IFIT5: variants seen among roughly 807,000 people sequenced by gnomAD.
IFIT5 encodes interferon induced protein with tetratricopeptide repeats 5.
IFIT5 carries 2 observed loss-of-function variants against 5.0 expected under a neutral mutation model. The ratio of observed to expected loss-of-function variants is 0.40; its 90% CI spans 0.16 to 1.26. The LOEUF is 1.26. IFIT5 is among the 50% of genes most tolerant of loss of function. The pLI is 0.33. For synonymous variants in IFIT5, 206 were observed against 204.6 expected (o/e 1.01, Z -0.06); for missense variants, 524 against 563.2 (o/e 0.93, Z 0.70).
At position 89,418,223 on chromosome 10, in the gene IFIT5, A is replaced by C; in HGVS notation, c.1024A>C (p.Thr342Pro). ...AGACTCTATGTTTGCATTTGCCTACACAGACCTGGCCAACATGTACGCTGA... is the reference window on the plus strand; with the variant it reads ...AGACTCTATGTTTGCATTTGCCTACCCAGACCTGGCCAACATGTACGCTGA... ...ERDSMFAFAY[T>P]DLANMYAEGG... is the part of the protein sequence containing the mutation. Residue 342 changes from threonine to proline, a missense_variant, in exon 2 of 2, where the codon ACA (threonine) becomes CCA (proline). By Grantham distance (38) the Thr-to-Pro change is conservative. Coordinates refer to ENST00000371795, the MANE Select transcript of IFIT5 (RefSeq NM_012420.3). 6.2e-7 allele frequency: 1 copy of C among 1,614,224 alleles called. No homozygotes were observed. The highest frequency in any genetic ancestry group is 1.1e-5 in the South Asian group (1 of 91,082).
In IFIT5 at chr10:89,418,483, T is replaced by G. The variant is rs781611318; in HGVS notation, c.1284T>G (p.Leu428=). 1.2e-5 allele frequency: 19 copies of G among 1,614,086 alleles called. No homozygotes were observed. The part of the protein sequence containing the change: ...SALKKLSTKR[L]CHNALDVQSL... Reference sequence around the variant, plus strand: ...TGAAGAAATTGTCTACCAAGAGACTTTGTCACAATGCTTTAGATGTGCAGA... The same window carrying G: ...TGAAGAAATTGTCTACCAAGAGACTGTGTCACAATGCTTTAGATGTGCAGA... The change falls in exon 2 of 2, where the codon CTT becomes CTG. Residue 428 remains leucine, a synonymous_variant. Coordinates refer to ENST00000371795, the MANE Select transcript of IFIT5 (RefSeq NM_012420.3).
Position 89,419,018 on chromosome 10 carries a change from C to T in IFIT5, c.*370C>T, listed in dbSNP as rs1392066754. ...TGATACCTAGATCAGGAATACTCTT[C>T]CAGGAGTACAAAATTACATTATTGA... On this transcript the variant is annotated 3_prime_UTR_variant, in exon 2 of 2. Transcript: ENST00000371795. 1.2e-5 allele frequency: 2 copies of T among 160,760 alleles called. No homozygotes were observed. The highest frequency in any genetic ancestry group is 3.6e-4 in the East Asian group (2 of 5,592). The allele number at this position is 160,760 out of a possible 1,614,324, so 10.0% of individuals were successfully genotyped here. A position where few individuals can be genotyped will look rare whatever the true frequency, so the allele number is the denominator to read the frequency against.
Position 89,417,294 on chromosome 10 carries a change from T to C in IFIT5, c.95T>C (p.Phe32Ser). ...TTACTTAAGGAAGACATTGATCTGT[T>C]TGAGGTAGAAGATACAATTGGGCAA... ...WNLLKEDIDL[F>S]EVEDTIGQQL... Residue 32 changes from phenylalanine to serine, a missense_variant, in exon 2 of 2, where the codon TTT becomes TCT. Physicochemically the swap from Phe to Ser is radical, Grantham distance 155. Coordinates refer to ENST00000371795, the MANE Select transcript of IFIT5 (RefSeq NM_012420.3). 1.2e-6 allele frequency: 2 copies of C among 1,614,128 alleles called. No individual in the cohort carries two copies. The highest frequency in any genetic ancestry group is 1.7e-6 in the Non-Finnish European group (2 of 1,180,002).
chr10:89,420,599 T>C lies in IFIT5; in HGVS notation c.*1951T>C, dbSNP rs1431105686. On this transcript the variant is annotated 3_prime_UTR_variant, in exon 2 of 2. Coordinates refer to ENST00000371795, the MANE Select transcript of IFIT5 (RefSeq NM_012420.3). ...GAAGGGGCCTGAGATTTCTGCACTT[T>C]AAACAAGCTCCTCCTAGGTGAGGAT... is the stretch of plus-strand genomic sequence containing the variant. The C allele has an allele frequency of 6.6e-6, 1 of 152,238 alleles. No individual in the cohort carries two copies. The highest frequency in any genetic ancestry group is 6.5e-5 in the Admixed American group (1 of 15,286). The allele number at this position is 152,238 out of a possible 1,614,324, so 9.4% of individuals were successfully genotyped here.
rs778968540 is a variant in IFIT5 at position 89,417,909 on chromosome 10, A to G, written c.710A>G (p.Tyr237Cys). ...DVHAEAEGEK[Y>C]IEEILDQISS... ...CATGCAGAAGCTGAAGGGGAAAAGTATATTGAAGAAATCCTGGACCAAATA... is the reference window on the plus strand; with the variant it reads ...CATGCAGAAGCTGAAGGGGAAAAGTGTATTGAAGAAATCCTGGACCAAATA... The change falls in exon 2 of 2, where the codon TAT (tyrosine) becomes TGT (cysteine). Residue 237 changes from tyrosine (Y) to cysteine (C), a missense_variant. Transcript: ENST00000371795. 1.2e-6 allele frequency: 2 copies of G among 1,614,202 alleles called. No individual in the cohort carries two copies. The highest frequency in any genetic ancestry group is 1.7e-6 in the Non-Finnish European group (2 of 1,180,018).
rs1260332075 is a variant in IFIT5, at chr10:89,417,751, G to T, written c.552G>T (p.Val184=). 1.9e-6 allele frequency: 3 copies of T among 1,614,100 alleles called. No individual in the cohort carries two copies. Among genetic ancestry groups the T allele is most frequent in the African/African-American group, 2.7e-5 (2 of 74,942 alleles). ...TTAACATCGGCTATGCTATCACAGT[G>T]TATCGGCTGGATGATTCTGATAGAG... is the stretch of plus-strand genomic sequence containing the variant. ...PEFNIGYAIT[V]YRLDDSDREG... The change falls in exon 2 of 2, where the codon GTG becomes GTT. Residue 184 remains valine, a synonymous_variant. Transcript: ENST00000371795.
chr10:89,417,541 G>A lies in IFIT5; in HGVS notation c.342G>A (p.Gln114=). 1 of 1,614,226 alleles carries A rather than the reference G, an allele frequency of 6.2e-7. No homozygotes were observed. The highest frequency in any genetic ancestry group is 8.5e-7 in the Non-Finnish European group (1 of 1,180,026). The stretch of plus-strand genomic sequence containing the variant: ...ACATGGACCAGCTTGAAGAAGCTCA[G>A]AAGTATACAGGTAAGATAGGGAATG... ...YYHMDQLEEA[Q]KYTGKIGNVC... The change falls in exon 2 of 2, where the codon CAG becomes CAA. Residue 114 remains glutamine (Q), a synonymous_variant. Transcript: ENST00000371795.
Position 89,417,347 on chromosome 10 carries a change from A to G in IFIT5, c.148A>G (p.Arg50Gly), listed in dbSNP as rs2133653346. Reference protein sequence around the residue: ...QQLEFLTTKSRLALYNLLAYV... With the variant: ...QQLEFLTTKSGLALYNLLAYV... Reference sequence around the variant, plus strand: ...GCTTGAATTTCTTACCACAAAATCTAGACTTGCTCTTTATAACCTATTGGC... The same window carrying G: ...GCTTGAATTTCTTACCACAAAATCTGGACTTGCTCTTTATAACCTATTGGC... The change falls in exon 2 of 2, where the codon AGA becomes GGA. Residue 50 changes from arginine (R) to glycine (G), a missense_variant. By Grantham distance (125) the Arg-to-Gly change is moderately radical. Transcript: ENST00000371795. 1.9e-6 allele frequency: 3 copies of G among 1,614,224 alleles called. No individual in the cohort carries two copies. The highest frequency in any genetic ancestry group is 2.5e-6 in the Non-Finnish European group (3 of 1,180,040).
chr10:89,416,303 CAAA>C (rs869064446), intron 1 of IFIT5, among the ~76,000 whole-genome samples: 1 of 141,214 alleles, frequency 7.1e-6, no homozygotes, highest in East Asian at 2.3e-4. Flanking sequence ...ACAACAACAA[CAAA>C]AAACAGAAAA....
chr10:89,417,920 A>C lies in IFIT5; in HGVS notation c.721A>C (p.Ile241Leu). 1.2e-6 allele frequency: 2 copies of C among 1,614,172 alleles called. No individual in the cohort carries two copies. Among genetic ancestry groups the C allele is most frequent in the Non-Finnish European group, 1.7e-6 (2 of 1,180,020 alleles). ...EAEGEKYIEE[I>L]LDQISSQPYV... The stretch of plus-strand genomic sequence containing the variant: ...TGAAGGGGAAAAGTATATTGAAGAA[A>C]TCCTGGACCAAATATCATCCCAGCC... Residue 241 changes from isoleucine (I) to leucine (L), a missense_variant, in exon 2 of 2, where the codon ATC becomes CTC. Physicochemically the swap from Ile to Leu is conservative, Grantham distance 5 (BLOSUM62 2). Coordinates refer to ENST00000371795, the MANE Select transcript of IFIT5 (RefSeq NM_012420.3).
rs747028604 is a variant in IFIT5 at position 89,418,251 on chromosome 10, G to A, written c.1052G>A (p.Gly351Glu). The A allele has an allele frequency of 5.0e-6, 8 of 1,614,100 alleles. No individual in the cohort carries two copies. The highest frequency in any genetic ancestry group is 6.8e-6 in the Non-Finnish European group (8 of 1,180,026). The change falls in exon 2 of 2, where the codon GGA becomes GAA. Residue 351 changes from glycine (G) to glutamate (E), a missense_variant. Gly to Glu is a moderately conservative substitution (Grantham distance 98, BLOSUM62 -2). Coordinates refer to ENST00000371795, the MANE Select transcript of IFIT5 (RefSeq NM_012420.3). ...YTDLANMYAE[G>E]GQYSNAEDIF... ...GACCTGGCCAACATGTACGCTGAAG[G>A]AGGCCAGTATAGCAATGCTGAGGAC...
Position 89,417,546 on chromosome 10 carries a change from A to G in IFIT5, c.347A>G (p.Tyr116Cys), listed in dbSNP as rs200078352. 3.5e-5 allele frequency: 57 copies of G among 1,614,222 alleles called. No individual in the cohort carries two copies. Among genetic ancestry groups the G allele is most frequent in the Non-Finnish European group, 4.4e-5 (52 of 1,180,020 alleles). The change falls in exon 2 of 2, where the codon TAT becomes TGT. Residue 116 changes from tyrosine (Y) to cysteine (C), a missense_variant. Transcript: ENST00000371795. ...GACCAGCTTGAAGAAGCTCAGAAGT[A>G]TACAGGTAAGATAGGGAATGTCTGT... Reference protein sequence around the residue: ...HMDQLEEAQKYTGKIGNVCKK... With the variant: ...HMDQLEEAQKCTGKIGNVCKK...
At chr10:89,414,884 C>A (rs1415074735) in intron 1 of IFIT5, 81 bp downstream of exon 1, 20 of 1,534,498 alleles carry the variant, frequency 1.3e-5, no homozygotes, top group Non-Finnish European at 1.7e-5. Context: ...TCATTTCCAG[C>A]GCAGTTCTGC....
In IFIT5 at chr10:89,417,412, T is replaced by C. The variant is rs1258816703; in HGVS notation, c.213T>C (p.Leu71=). ...TAAAAGGCCAAAATAAAGACGCCCT[T>C]GAGTGCTTGGAACAAGCAGAAGAAA... is the stretch of plus-strand genomic sequence containing the variant. ...KHLKGQNKDA[L]ECLEQAEEII... Residue 71 remains leucine (L), a synonymous_variant, in exon 2 of 2, where the codon CTT becomes CTC. Transcript: ENST00000371795. The C allele has an allele frequency of 1.2e-6, 2 of 1,614,044 alleles. No homozygotes were observed. The highest frequency in any genetic ancestry group is 1.3e-5 in the African/African-American group (1 of 74,918).
At chr10:89,415,708 C>T (rs1215987781) in intron 1 of IFIT5, among the ~76,000 whole-genome samples, 1 of 152,170 alleles carries the variant, frequency 6.6e-6, no homozygotes, top group Non-Finnish European at 1.5e-5. Context: ...TGTTCTAAAT[C>T]CGGACTGAAC....
chr10:89,418,370 A>G lies in IFIT5; in HGVS notation c.1171A>G (p.Lys391Glu), dbSNP rs144606657. The G allele has an allele frequency of 1.2e-6, 2 of 1,614,222 alleles. No individual in the cohort carries two copies. The highest frequency in any genetic ancestry group is 1.3e-5 in the African/African-American group (1 of 75,064). ...TGGCCGCTTTCAGGAATTTCACCGT[A>G]AATCAGAAAATACTGCCATCCATCA... is the stretch of plus-strand genomic sequence containing the variant. ...HYGRFQEFHRKSENTAIHHYL... is the reference protein window; with the variant it reads ...HYGRFQEFHRESENTAIHHYL... The change falls in exon 2 of 2, where the codon AAA becomes GAA. Residue 391 changes from lysine to glutamate, a missense_variant. Coordinates refer to ENST00000371795, the MANE Select transcript of IFIT5 (RefSeq NM_012420.3).
In IFIT5 at chr10:89,419,751, C is replaced by T. The variant is rs1031353706; in HGVS notation, c.*1103C>T. 6.6e-6 allele frequency: 1 copy of T among 151,786 alleles called. No homozygotes were observed. The highest frequency in any genetic ancestry group is 2.4e-5 in the African/African-American group (1 of 41,298). 9.4% of individuals were successfully genotyped at this position (151,786 alleles called of 1,614,324 possible). On this transcript the variant is annotated 3_prime_UTR_variant, in exon 2 of 2. Coordinates refer to ENST00000371795, the MANE Select transcript of IFIT5 (RefSeq NM_012420.3). ...AGTTTTAATATCCACCTTGAGGGGT[C>T]GCTGCTTGAGGGCTCTTATCCCAGG...
At position 89,420,079 on chromosome 10, in the gene IFIT5, C is replaced by T. The variant is rs573857668; in HGVS notation, c.*1431C>T. 6.6e-6 allele frequency: 1 copy of T among 152,156 alleles called. No homozygotes were observed. Among genetic ancestry groups the T allele is most frequent in the South Asian group, 2.1e-4 (1 of 4,822 alleles). 9.4% of individuals were successfully genotyped at this position (152,156 alleles called of 1,614,324 possible). A position where few individuals can be genotyped will look rare whatever the true frequency, so the allele number is the denominator to read the frequency against. ...TAAAAATGAGAGCAGTCCTCTCACC[C>T]TACCACAGTTCCACACCCTCAAGGT... On this transcript the variant is annotated 3_prime_UTR_variant, in exon 2 of 2. Coordinates refer to ENST00000371795, the MANE Select transcript of IFIT5 (RefSeq NM_012420.3).
chr10:89,420,099 C>G lies in IFIT5; in HGVS notation c.*1451C>G, dbSNP rs1467991650. The G allele has an allele frequency of 6.6e-6, 1 of 151,574 alleles. No individual in the cohort carries two copies. Among genetic ancestry groups the G allele is most frequent in the Non-Finnish European group, 1.5e-5 (1 of 68,030 alleles). The allele number at this position is 151,574 out of a possible 1,614,324, so 9.4% of individuals were successfully genotyped here. On this transcript the variant is annotated 3_prime_UTR_variant, in exon 2 of 2. Coordinates refer to ENST00000371795, the MANE Select transcript of IFIT5 (RefSeq NM_012420.3). ...TCACCCTACCACAGTTCCACACCCT[C>G]AAGGTAAACTTATAACTTATAATTT...
Sources: allele counts gnomAD v4.1 joint callset (sites outside exome capture counted in the v4.1 genomes callset), GRCh38; gene constraint gnomAD v4.1.1; transcripts MANE v1.5; gene names NCBI Gene and HGNC (gene_info 2026-07-23, HGNC 2026-07-21).